The following MAPK14 variants were observed in gnomAD, a reference collection of about 807,000 sequenced individuals.
MAPK14 encodes the protein mitogen-activated protein kinase 14.
A neutral mutation model predicts 49.6 loss-of-function variants in MAPK14; 16 were observed. That is an observed-to-expected ratio of 0.32 (90% confidence interval 0.22 to 0.49). The LOEUF (loss-of-function observed/expected upper bound fraction) is 0.49, where lower values mean the gene tolerates loss of function less well. Among genes scored for constraint, MAPK14 ranks in the 20% least tolerant of loss-of-function variants. The pLI, the probability that MAPK14 is intolerant of heterozygous loss-of-function variation, is 0.99. For missense variants in MAPK14, 200 were observed against 441.2 expected (o/e 0.45, Z 4.90); for synonymous variants, 142 against 158.0 (o/e 0.90, Z 0.76).
chr6:36,074,128 T>C (rs1447712842), intron 6 of MAPK14, 32 bp downstream of exon 6: 2 of 1,585,658 alleles, frequency 1.3e-6, no homozygotes, highest in East Asian at 2.2e-5. Flanking sequence ...CATTGTTTGC[T>C]TTACTTTGAG....
chr6:36,114,994 G>A (rs1301192664), downstream of MAPK14, among the ~76,000 whole-genome samples: 4 of 152,300 alleles, frequency 2.6e-5, no homozygotes, highest in East Asian at 7.7e-4. Context: ...GCAGCCTTCT[G>A]CATCTGGGAA....
intron 2 of MAPK14, among the ~76,000 whole-genome samples, chr6:36,055,158 C>T (rs544353026): frequency 6.6e-6 from 1 of 152,354 alleles, no homozygotes; most frequent in African/African-American, 2.4e-5. Context: ...AACACCTGCT[C>T]TAAGGAAAGA....
At chr6:36,058,755 G>A (rs1763680697) in intron 2 of MAPK14, among the ~76,000 whole-genome samples, 2 of 152,104 alleles carry the variant, frequency 1.3e-5, no homozygotes, top group Non-Finnish European at 2.9e-5. Context: ...AAATTAGCTA[G>A]GCATGGTGGT....
chr6:36,031,351 G>A (rs990378188), intron 1 of MAPK14, among the ~76,000 whole-genome samples: 2 of 152,006 alleles, frequency 1.3e-5, no homozygotes, highest in Admixed American at 1.3e-4. Flanking sequence ...TTTAGGTGTG[G>A]CAGAAAACAT....
At chr6:36,046,147 G>C (rs923201461) in intron 1 of MAPK14, among the ~76,000 whole-genome samples, 1 of 152,198 alleles carries the variant, frequency 6.6e-6, no homozygotes, top group Non-Finnish European at 1.5e-5. Flanking sequence ...ACGGTCAGCA[G>C]TAGATGAGTG....
chr6:36,103,544 A>G (rs994805582), intron 10 of MAPK14, among the ~76,000 whole-genome samples: 6 of 152,066 alleles, frequency 3.9e-5, no homozygotes, highest in South Asian at 2.1e-4. Flanking sequence ...GGGTCTCACC[A>G]TCTTACTAAT....
chr6:36,113,361 A>AG (rs1202619876), downstream of MAPK14, among the ~76,000 whole-genome samples: 4 of 147,898 alleles, frequency 2.7e-5, no homozygotes, highest in African/African-American at 1.0e-4. Context: ...AAAAAAAAAA[A>AG]AAAAAAAGGT....
chr6:36,055,831 T>A (rs1228538802), intron 2 of MAPK14, among the ~76,000 whole-genome samples: 2 of 151,852 alleles, frequency 1.3e-5, no homozygotes, highest in African/African-American at 4.8e-5. Context: ...ATTTTCCAGA[T>A]CTATTTTAAT....
chr6:36,050,338 A>C (rs932638928), intron 1 of MAPK14, among the ~76,000 whole-genome samples: 1 of 152,238 alleles, frequency 6.6e-6, no homozygotes, highest in Admixed American at 6.5e-5. Context: ...TGAGGTTAAC[A>C]AATTGTTGTA....
At chr6:36,100,274 A>G (rs752482344) in intron 9 of MAPK14, 1 of 1,605,150 alleles carries the variant, frequency 6.2e-7, no homozygotes, top group Non-Finnish European at 8.5e-7. Flanking sequence ...TGAGGTGAGA[A>G]CAAAGAGACT....
chr6:36,084,083 C>A (rs915224149), intron 8 of MAPK14, among the ~76,000 whole-genome samples: 1 of 152,154 alleles, frequency 6.6e-6, no homozygotes, highest in Non-Finnish European at 1.5e-5. Flanking sequence ...GAGTGGACCC[C>A]CAGCAAACTG....
intron 1 of MAPK14, among the ~76,000 whole-genome samples, chr6:36,042,683 G>A (rs1173316799): frequency 1.3e-5 from 2 of 149,960 alleles, no homozygotes; most frequent in African/African-American, 4.9e-5. Context: ...TCGTAGACAC[G>A]AGGTCTCACT....
At chr6:36,062,571 C>CTA (rs1481812380) in intron 3 of MAPK14, among the ~76,000 whole-genome samples, 1 of 151,504 alleles carries the variant, frequency 6.6e-6, no homozygotes, top group Non-Finnish European at 1.5e-5. Context: ...TTAGAGCAGG[C>CTA]TATAATTTGA....
intron 2 of MAPK14, among the ~76,000 whole-genome samples, 196 bp downstream of exon 2, chr6:36,053,024 A>G (rs1562111517): frequency 6.6e-6 from 1 of 151,990 alleles, no homozygotes; most frequent in Admixed American, 6.6e-5. Context: ...CTGGAGTTTT[A>G]GTTTTACTCA....
downstream of MAPK14, chr6:36,111,285 G>A (rs1365569114): frequency 6.6e-6 from 1 of 152,242 alleles, no homozygotes; most frequent in Non-Finnish European, 1.5e-5. Context: ...TTGTGCTACA[G>A]TGACAGAGGC....
At chr6:36,042,176 T>C (rs9470207) in intron 1 of MAPK14, among the ~76,000 whole-genome samples, 7,087 of 152,270 alleles carry the variant, frequency 0.047, 408 homozygotes, top group African/African-American at 0.13. Context: ...AACATACCTC[T>C]GGAAATTAAG....
At chr6:36,120,579 A>G in the MAPK14 span, among the ~76,000 whole-genome samples, 1,657 of 152,230 alleles carry the variant, frequency 0.011, 22 homozygotes, top group African/African-American at 0.037. Context: ...ATGATGAGCA[A>G]TGCGGTGATA....
chr6:36,062,527 A>G (rs1490065492), intron 3 of MAPK14, among the ~76,000 whole-genome samples: 2 of 152,202 alleles, frequency 1.3e-5, no homozygotes, highest in Non-Finnish European at 2.9e-5. Context: ...AACCAGACAT[A>G]ATTTAGGCTA....
intron 8 of MAPK14, among the ~76,000 whole-genome samples, chr6:36,091,216 C>G (rs186754371): frequency 5.9e-5 from 9 of 152,076 alleles, no homozygotes; most frequent in Non-Finnish European, 1.3e-4. Flanking sequence ...TTTTACTTTC[C>G]CTAGAAATAT....
Sources: allele counts gnomAD v4.1 joint callset (sites outside exome capture counted in the v4.1 genomes callset), GRCh38; gene constraint gnomAD v4.1.1; transcripts MANE v1.5; gene names NCBI Gene and HGNC (gene_info 2026-07-23, HGNC 2026-07-21).